Variants in RERE observed in about 807,000 individuals in gnomAD.
The protein encoded by RERE is arginine-glutamic acid dipeptide repeats protein.
In RERE, 40 loss-of-function variants were observed where a neutral mutation model predicts 146.1. That is an observed-to-expected ratio of 0.27 (90% CI 0.21 to 0.36). The LOEUF (loss-of-function observed/expected upper bound fraction) is 0.36. Ranked by LOEUF, RERE falls within the 10% of genes least tolerant of loss-of-function variation. The probability of loss-of-function intolerance (pLI) is 1.00; values close to 1 mark genes in which losing one functional copy is unlikely to be tolerated. For missense variants in RERE, 1,933 were observed against 2,138.7 expected (o/e 0.90, Z 1.90); for synonymous variants, 1,003 against 866.0 (o/e 1.16, Z -2.78).
At position 8,395,192 on chromosome 1, in the gene RERE, C is replaced by T. The variant is rs189420881; in HGVS notation, c.1284+27535G>A. Among the ~76,000 whole-genome samples, 12 of 152,086 alleles carry T rather than the reference C, an allele frequency of 7.9e-5. No homozygotes were observed. In the East Asian group the frequency reaches 1.2e-3, roughly 15 times the overall value. Reference sequence around the variant, plus strand: ...ATAATACCAAAGAATGAGCAATTTCCGGGTCGGGTGCAGTGGCTCATGCTT... The same window carrying T: ...ATAATACCAAAGAATGAGCAATTTCTGGGTCGGGTGCAGTGGCTCATGCTT... On this transcript the variant is annotated intron_variant, in intron 12 of 22. Coordinates refer to ENST00000400908, the MANE Select transcript of RERE (RefSeq NM_001042681.2).
intron 1 of RERE, among the ~76,000 whole-genome samples, chr1:8,797,313 G>A (rs1054455591): frequency 6.6e-6 from 1 of 152,018 alleles, no homozygotes; most frequent in South Asian, 2.1e-4. Flanking sequence ...AGGAGGCGGA[G>A]GCTGCAGTGA....
chr1:8,379,169 G>A (rs566684728), intron 12 of RERE, among the ~76,000 whole-genome samples: 17 of 152,132 alleles, frequency 1.1e-4, no homozygotes, highest in Admixed American at 1.0e-3. Context: ...ACCACAAGAT[G>A]GGAAGGAAAA....
intron 1 of RERE, among the ~76,000 whole-genome samples, chr1:8,732,808 CTTTTT>C (rs59337140): frequency 1.2e-4 from 8 of 65,696 alleles, no homozygotes; most frequent in Admixed American, 5.3e-4. Context: ...TTCAATTTTT[CTTTTT>C]TTTTTTTTTT....
intron 2 of RERE, among the ~76,000 whole-genome samples, chr1:8,645,694 T>C (rs1364448413): frequency 6.6e-6 from 1 of 152,228 alleles, no homozygotes; most frequent in Non-Finnish European, 1.5e-5. Context: ...GGTTTCATGA[T>C]ACTTAATGAT....
At chr1:8,543,211 T>C (rs1279163712) in intron 6 of RERE, among the ~76,000 whole-genome samples, 1 of 152,242 alleles carries the variant, frequency 6.6e-6, no homozygotes, top group Non-Finnish European at 1.5e-5. Context: ...CTGCCTCTTC[T>C]AGTATTTAAC....
At chr1:8,649,071 A>G (rs1366454589) in intron 2 of RERE, among the ~76,000 whole-genome samples, 1 of 152,208 alleles carries the variant, frequency 6.6e-6, no homozygotes, top group East Asian at 1.9e-4. Context: ...AACTGAAAAC[A>G]GTAGAAAGAA....
intron 12 of RERE, among the ~76,000 whole-genome samples, chr1:8,416,389 T>C (rs574735866): frequency 1.5e-4 from 23 of 152,064 alleles, no homozygotes; most frequent in African/African-American, 4.8e-4. Flanking sequence ...ATCGAGACCA[T>C]CCTGGTTAAC....
intron 1 of RERE, chr1:8,750,304 G>A: frequency 1.8e-6 from 1 of 566,726 alleles, no homozygotes; most frequent in Non-Finnish European, 3.1e-6. Flanking sequence ...GGTAACGGAA[G>A]ATGAGGGCTA....
intron 1 of RERE, chr1:8,796,561 C>T (rs987938155): frequency 1.4e-5 from 2 of 142,502 alleles, no homozygotes; most frequent in East Asian, 2.0e-4. Context: ...GGAGATACTG[C>T]GATTTTTTTT....
chr1:8,435,347 G>A (rs1245716733), intron 11 of RERE, among the ~76,000 whole-genome samples: 1 of 152,196 alleles, frequency 6.6e-6, no homozygotes. Context: ...ACAACATATA[G>A]CAGGTGCTTG....
intron 12 of RERE, among the ~76,000 whole-genome samples, chr1:8,366,926 A>ACC (rs1557592087): frequency 6.0e-5 from 9 of 149,222 alleles, no homozygotes; most frequent in Non-Finnish European, 1.2e-4. Context: ...CAAAAAAAAA[A>ACC]AACAAAAAAA....
chr1:8,622,876 C>T (rs879537234), intron 3 of RERE, among the ~76,000 whole-genome samples: 13 of 152,092 alleles, frequency 8.5e-5, no homozygotes, highest in African/African-American at 3.1e-4. Context: ...TTTCAAACTA[C>T]ATTTCTTTAG....
intron 10 of RERE, among the ~76,000 whole-genome samples, chr1:8,479,807 T>C (rs1233511308): frequency 1.3e-5 from 2 of 152,180 alleles, no homozygotes; most frequent in African/African-American, 4.8e-5. Context: ...GGTAATTTGT[T>C]ACAGTAGCCA....
intron 2 of RERE, among the ~76,000 whole-genome samples, chr1:8,647,228 A>G (rs988290979): frequency 1.3e-5 from 2 of 152,210 alleles, no homozygotes; most frequent in Non-Finnish European, 2.9e-5. Context: ...ACACAGCCAC[A>G]TTGTGTTTCC....
chr1:8,614,490 G>A (rs540636180), intron 4 of RERE, 71 bp downstream of exon 4: 13 of 1,443,914 alleles, frequency 9.0e-6, no homozygotes, highest in Non-Finnish European at 1.2e-5. Flanking sequence ...TGGGGAGGGA[G>A]GTAATATTCC....
At chr1:8,555,015 C>T (rs1645989027) in intron 6 of RERE, among the ~76,000 whole-genome samples, 2 of 152,230 alleles carry the variant, frequency 1.3e-5, no homozygotes, top group African/African-American at 2.4e-5. Context: ...TCACACAAAG[C>T]TTGTGGAAGT....
intron 12 of RERE, among the ~76,000 whole-genome samples, chr1:8,390,984 G>T (rs1213394531): frequency 6.6e-6 from 1 of 151,972 alleles, no homozygotes; most frequent in Non-Finnish European, 1.5e-5. Flanking sequence ...TGCCTCAACT[G>T]CCACCACCCT....
chr1:8,791,907 T>G (rs1641371290), intron 1 of RERE, among the ~76,000 whole-genome samples: 1 of 152,142 alleles, frequency 6.6e-6, no homozygotes, highest in Non-Finnish European at 1.5e-5. Context: ...CCAGAATTTA[T>G]CATCAACAGA....
rs148345020 is a variant in RERE at position 8,808,525 on chromosome 1, C to T, written c.-145+8635G>A. Among the ~76,000 whole-genome samples, 158 of 152,268 alleles carry T rather than the reference C, an allele frequency of 1.0e-3. 1 individual carries two copies. Among genetic ancestry groups the T allele is most frequent in the Middle Eastern group, 6.8e-3 (2 of 294 alleles). On this transcript the variant is annotated intron_variant, in intron 1 of 22. Coordinates refer to ENST00000400908, the MANE Select transcript of RERE (RefSeq NM_001042681.2). ...TTAAATACTTTATATGAATTAATTA[C>T]TTTGGTCCTCACAACAAACCCACGA...
Sources: gnomAD v4.1 joint callset for allele counts (sites outside exome capture counted in the v4.1 genomes callset) on GRCh38, gnomAD v4.1.1 for gene constraint, MANE v1.5 for transcripts, NCBI Gene and HGNC (gene_info 2026-07-23, HGNC 2026-07-21) for gene names.